HDC: variants seen among roughly 807,000 people sequenced by gnomAD.
HDC encodes histidine decarboxylase.
In HDC, 27 loss-of-function variants were observed where a neutral mutation model predicts 64.4. The ratio of observed to expected loss-of-function variants is 0.42; its 90% CI spans 0.31 to 0.58. The LOEUF (loss-of-function observed/expected upper bound fraction) is 0.58, where lower values mean the gene tolerates loss of function less well. Ranked by LOEUF, HDC falls within the 20% of genes least tolerant of loss-of-function variation. The pLI is 0.16. For synonymous variants in HDC, 305 were observed against 314.2 expected, an observed-to-expected ratio of 0.97 and a Z score of 0.31; for missense variants, 711 against 833.9, an observed-to-expected ratio of 0.85 and a Z score of 1.81.
In HDC at chr15:50,242,168, G is replaced by T; in HGVS notation, c.*92C>A. The T allele has an allele frequency of 1.9e-6, 2 of 1,067,560 alleles. No individual in the cohort carries two copies. The highest frequency in any genetic ancestry group is 2.9e-6 in the Non-Finnish European group (2 of 690,314). The allele number at this position is 1,067,560 out of a possible 1,614,324, so 66.1% of individuals were successfully genotyped here. A position where few individuals can be genotyped will look rare whatever the true frequency, so the allele number is the denominator to read the frequency against. On this transcript the variant is annotated 3_prime_UTR_variant, in exon 12 of 12. Transcript: ENST00000267845. ...TGAACTCGCCCCAAGAAAAATGCAT[G>T]TACACATAAGCACACAAAGTTGGCA...
At chr15:50,263,675 A>C (rs890504642) in intron 1 of HDC, among the ~76,000 whole-genome samples, 4 of 152,012 alleles carry the variant, frequency 2.6e-5, no homozygotes, top group African/African-American at 4.8e-5. Context: ...TGGCAGGCGC[A>C]TGTAATCCCA....
intron 9 of HDC, among the ~76,000 whole-genome samples, chr15:50,250,271 G>A (rs2045537137): frequency 6.6e-6 from 1 of 152,144 alleles, no homozygotes; most frequent in Non-Finnish European, 1.5e-5. Flanking sequence ...AAAGACATTG[G>A]GCCCAGGTGA....
chr15:50,261,438 T>C (rs1395176693), intron 2 of HDC, among the ~76,000 whole-genome samples: 1 of 152,122 alleles, frequency 6.6e-6, no homozygotes, highest in Non-Finnish European at 1.5e-5. Context: ...TTTCAAAAAA[T>C]GCTTGTGAAA....
intron 4 of HDC, among the ~76,000 whole-genome samples, chr15:50,257,183 C>T (rs977535276): frequency 3.2e-4 from 48 of 152,292 alleles, no homozygotes; most frequent in African/African-American, 9.9e-4. Flanking sequence ...TCAAGTCATA[C>T]TGGAAATGTG....
intron 4 of HDC, among the ~76,000 whole-genome samples, chr15:50,255,577 CT>C (rs1344183453): frequency 6.6e-6 from 1 of 152,124 alleles, no homozygotes; most frequent in Non-Finnish European, 1.5e-5. Context: ...GGGAGGATCC[CT>C]TGAGTCCAGG....
Position 50,259,761 on chromosome 15 carries a change from C to T in HDC, c.205-1244G>A, listed in dbSNP as rs186464306. On this transcript the variant is annotated intron_variant, in intron 2 of 11. Transcript: ENST00000267845. ...TAGAACTCTAGAATTCTAGATGTTT[C>T]ACTCTACTGAGGACTCATTTGATAA... Among the ~76,000 whole-genome samples the T allele has an allele frequency of 5.3e-4, 81 of 152,316 alleles. 1 individual carries two copies. Among genetic ancestry groups the T allele is most frequent in the African/African-American group, 1.9e-3 (77 of 41,570 alleles).
rs1163685272 is a variant in HDC, at chr15:50,242,642, C to G, written c.1607G>C (p.Arg536Thr). The G allele has an allele frequency of 4.3e-6, 7 of 1,614,044 alleles. No homozygotes were observed. The highest frequency in any genetic ancestry group is 2.7e-5 in the African/African-American group (2 of 74,896). The change falls in exon 12 of 12, where the codon AGG (arginine) becomes ACG (threonine). Residue 536 changes from arginine to threonine, a missense_variant. Around this residue, in one of 3 missense-constraint regions of HDC, gnomAD observed 483 missense variants for 540.9 expected, o/e 0.89. Transcript: ENST00000267845. ...GGTTTCAAGATGGAGGCCATTTTCCCTTTTCATGGGACCGGCTCCCACACG... is the reference window on the plus strand; with the variant it reads ...GGTTTCAAGATGGAGGCCATTTTCCGTTTTCATGGGACCGGCTCCCACACG... ...PQRVGAGPMK[R>T]ENGLHLETLL...
chr15:50,253,644 G>C lies in HDC; in HGVS notation c.743C>G (p.Thr248Ser), dbSNP rs376350679. ...CAGGCAGTCAAATGCACAGACCCCA[G>C]TGGTCCCTAGTGTTGCACAGACCTA... ...PVFVCATLGT[T>S]GVCAFDCLSE... The change falls in exon 7 of 12, where the codon ACT becomes AGT. Residue 248 changes from threonine to serine, a missense_variant. Transcript: ENST00000267845. 5.6e-6 allele frequency: 9 copies of C among 1,613,460 alleles called. No individual in the cohort carries two copies. The highest frequency in any genetic ancestry group is 7.6e-6 in the Non-Finnish European group (9 of 1,180,006).
intron 2 of HDC, among the ~76,000 whole-genome samples, chr15:50,261,720 T>C (rs1170423044): frequency 1.3e-5 from 2 of 152,022 alleles, no homozygotes; most frequent in African/African-American, 4.8e-5. Flanking sequence ...CACTTTTTTT[T>C]TTTTTTGAGA....
chr15:50,265,038 C>T (rs956054773), intron 1 of HDC, among the ~76,000 whole-genome samples: 7 of 152,156 alleles, frequency 4.6e-5, no homozygotes, highest in African/African-American at 1.4e-4. Context: ...ATTCAAGATT[C>T]TTTTTTAAGC....
At chr15:50,264,591 A>C (rs751863254) in intron 1 of HDC, among the ~76,000 whole-genome samples, 2 of 151,914 alleles carry the variant, frequency 1.3e-5, no homozygotes, top group Non-Finnish European at 2.9e-5. Flanking sequence ...CTGTGTGTGC[A>C]TGTGTGTGTG....
intron 7 of HDC, chr15:50,253,153 CT>C: frequency 2.6e-6 from 1 of 384,032 alleles, no homozygotes; most frequent in East Asian, 6.0e-5. Context: ...TGGTTTCTTG[CT>C]TGGGGATTAA....
intron 10 of HDC, among the ~76,000 whole-genome samples, chr15:50,245,986 A>C (rs1348389273): frequency 3.9e-5 from 6 of 152,244 alleles, no homozygotes; most frequent in Non-Finnish European, 7.3e-5. Context: ...AGAACTAAAA[A>C]TCCATTCTTT....
intron 10 of HDC, among the ~76,000 whole-genome samples, chr15:50,243,709 G>A (rs1026574360): frequency 1.3e-5 from 2 of 152,270 alleles, no homozygotes; most frequent in East Asian, 1.9e-4. Flanking sequence ...GGCTAGTGGC[G>A]GCCCTGCCCC....
chr15:50,245,722 C>T (rs1393568574), intron 10 of HDC, among the ~76,000 whole-genome samples: 1 of 152,008 alleles, frequency 6.6e-6, no homozygotes, highest in Non-Finnish European at 1.5e-5. Flanking sequence ...TGACAAAACC[C>T]CATCTCTACA....
chr15:50,249,861 G>A (rs957699618), intron 9 of HDC, among the ~76,000 whole-genome samples: 2 of 152,164 alleles, frequency 1.3e-5, no homozygotes, highest in Non-Finnish European at 2.9e-5. Flanking sequence ...ATTCCCAGTT[G>A]CTCCTTTTCT....
chr15:50,252,344 C>G (rs2045567151), intron 9 of HDC, 86 bp downstream of exon 9: 2 of 972,940 alleles, frequency 2.1e-6, no homozygotes. Flanking sequence ...CTGAAGGGAG[C>G]CACCGTACAG....
intron 10 of HDC, among the ~76,000 whole-genome samples, chr15:50,245,406 ATGATGATGG>A (rs2045467253): frequency 6.6e-6 from 1 of 152,136 alleles, no homozygotes; most frequent in Admixed American, 6.5e-5. Context: ...GATGATGATG[ATGATGATGG>A]TGATGATGAT....
chr15:50,243,998 A>G (rs2045442043), intron 10 of HDC, among the ~76,000 whole-genome samples: 1 of 152,230 alleles, frequency 6.6e-6, no homozygotes, highest in Non-Finnish European at 1.5e-5. Context: ...GGTACATTCT[A>G]TGGTATGAAT....
Sources: allele counts gnomAD v4.1 joint callset (sites outside exome capture counted in the v4.1 genomes callset), GRCh38; gene constraint gnomAD v4.1.1; regional missense constraint gnomAD v4.1.1; transcripts MANE v1.5; gene names NCBI Gene and HGNC (gene_info 2026-07-23, HGNC 2026-07-21).